SREK1IP1: variants seen among roughly 807,000 people sequenced by gnomAD.
SREK1IP1 encodes protein SREK1IP1.
A neutral mutation model predicts 22.8 loss-of-function variants in SREK1IP1; 12 were observed. The observed-to-expected ratio is 0.53, with a 90% CI of 0.34 to 0.85. SREK1IP1 has a LOEUF of 0.85. Ranked by LOEUF, SREK1IP1 falls within the 40% of genes least tolerant of loss-of-function variation. SREK1IP1 has a pLI of 0.02. For synonymous variants in SREK1IP1, 53 were observed against 52.7 expected (o/e 1.01, Z -0.02); for missense variants, 147 against 171.8 (o/e 0.86, Z 0.81).
At chr5:64,752,861 G>A (rs1166479988) in intron 2 of SREK1IP1, among the ~76,000 whole-genome samples, 1 of 152,262 alleles carries the variant, frequency 6.6e-6, no homozygotes, top group East Asian at 1.9e-4. Flanking sequence ...ATCTTTAATA[G>A]CTGTGGAGAT....
intron 1 of SREK1IP1, among the ~76,000 whole-genome samples, chr5:64,758,682 A>C (rs1253831577): frequency 6.6e-6 from 1 of 152,256 alleles, no homozygotes; most frequent in Non-Finnish European, 1.5e-5. Context: ...AAAATGTTGT[A>C]ATAGATCTGA....
rs1441600714 is a variant in SREK1IP1, at chr5:64,720,170, T to G, written c.*4214A>C. ...TATTCGGACCTAACAAATATTAAAA[T>G]AGTGATAGAATTTAAGTCAGTCAAA... On this transcript the variant is annotated 3_prime_UTR_variant, in exon 5 of 5. Transcript: ENST00000513458. 1 of 152,178 alleles carries G rather than the reference T, an allele frequency of 6.6e-6. No homozygotes were observed. Among genetic ancestry groups the G allele is most frequent in the East Asian group, 1.9e-4 (1 of 5,192 alleles). The allele number at this position is 152,178 out of a possible 1,614,324, so 9.4% of individuals were successfully genotyped here. A position where few individuals can be genotyped will look rare whatever the true frequency, so the allele number is the denominator to read the frequency against.
chr5:64,726,233 A>C (rs184755340), intron 4 of SREK1IP1, among the ~76,000 whole-genome samples: 6 of 152,136 alleles, frequency 3.9e-5, no homozygotes, highest in Admixed American at 3.9e-4. Context: ...AGGGGGCACT[A>C]TCTCTGCTAA....
At position 64,719,994 on chromosome 5, in the gene SREK1IP1, T is replaced by C. The variant is rs1227195078; in HGVS notation, c.*4390A>G. 1.3e-5 allele frequency: 2 copies of C among 152,230 alleles called. No homozygotes were observed. Among genetic ancestry groups the C allele is most frequent in the African/African-American group, 2.4e-5 (1 of 41,462 alleles). 9.4% of individuals were successfully genotyped at this position (152,230 alleles called of 1,614,324 possible). A position where few individuals can be genotyped will look rare whatever the true frequency, so the allele number is the denominator to read the frequency against. On this transcript the variant is annotated 3_prime_UTR_variant, in exon 5 of 5. Transcript: ENST00000513458. Reference sequence around the variant, plus strand: ...TAGCTTATCACTAGGTTACCTGAGGTAGAACCACAGGGCTCATCCAGTGGA... The same window carrying C: ...TAGCTTATCACTAGGTTACCTGAGGCAGAACCACAGGGCTCATCCAGTGGA...
intron 2 of SREK1IP1, among the ~76,000 whole-genome samples, chr5:64,749,163 T>A (rs535706963): frequency 1.6e-3 from 239 of 151,050 alleles, no homozygotes; most frequent in African/African-American, 5.4e-3. Flanking sequence ...TCTGTCAATC[T>A]ATACACACAC....
At chr5:64,765,115 TCAA>T (rs1208871290) in intron 1 of SREK1IP1, 1 of 152,222 alleles carries the variant, frequency 6.6e-6, no homozygotes, top group African/African-American at 2.4e-5. Flanking sequence ...GGAGGTAATT[TCAA>T]CAACTGTGAA....
Position 64,728,113 on chromosome 5 carries a change from C to CTT in SREK1IP1, c.270_271dup (p.Arg91LysfsTer68). On this transcript the variant is annotated frameshift_variant, in exon 4 of 5. Coordinates refer to ENST00000513458, the MANE Select transcript of SREK1IP1 (RefSeq NM_173829.4). LOFTEE classifies it high-confidence loss of function. Reference sequence around the variant, plus strand: ...AATGTTGTTCAAAAAATACCTTTTCCTTTTTTTTTTCAATTTGATTTTTTC... The same window carrying CTT: ...AATGTTGTTCAAAAAATACCTTTTCCTTTTTTTTTTTTCAATTTGATTTTTTC... The CTT allele has an allele frequency of 2.9e-5, 36 of 1,221,332 alleles. No homozygotes were observed. Among genetic ancestry groups the CTT allele is most frequent in the South Asian group, 1.4e-4 (7 of 50,348 alleles). 75.7% of individuals were successfully genotyped at this position (1,221,332 alleles called of 1,614,324 possible).
At chr5:64,737,166 C>T (rs746865745) in intron 3 of SREK1IP1, among the ~76,000 whole-genome samples, 4 of 151,936 alleles carry the variant, frequency 2.6e-5, no homozygotes, top group Non-Finnish European at 5.9e-5. Flanking sequence ...AGAACATTCT[C>T]CAGAACAGAG....
Position 64,721,342 on chromosome 5 carries a change from G to A in SREK1IP1, c.*3042C>T. On this transcript the variant is annotated 3_prime_UTR_variant, in exon 5 of 5. Transcript: ENST00000513458. Reference sequence around the variant, plus strand: ...CTCAATAAATATTTGTTGAAGAAAGGATTCAATGGCATTTTTATCAACATT... The same window carrying A: ...CTCAATAAATATTTGTTGAAGAAAGAATTCAATGGCATTTTTATCAACATT... The A allele has an allele frequency of 6.6e-6, 1 of 152,114 alleles. No homozygotes were observed. Among genetic ancestry groups the A allele is most frequent in the Non-Finnish European group, 1.5e-5 (1 of 68,026 alleles). 9.4% of individuals were successfully genotyped at this position (152,114 alleles called of 1,614,324 possible).
chr5:64,766,005 C>A (rs1447739065), intron 1 of SREK1IP1, among the ~76,000 whole-genome samples: 2 of 152,208 alleles, frequency 1.3e-5, no homozygotes, highest in African/African-American at 4.8e-5. Flanking sequence ...CCTAGGCAAT[C>A]TACTGTGTAG....
chr5:64,750,542 T>C (rs1475122501), intron 2 of SREK1IP1, among the ~76,000 whole-genome samples: 4 of 152,276 alleles, frequency 2.6e-5, no homozygotes, highest in African/African-American at 7.2e-5. Context: ...TTCATGCATA[T>C]TAGCATTTTT....
chr5:64,727,956 T>A, intron 4 of SREK1IP1, 151 bp downstream of exon 4: 1 of 728,818 alleles, frequency 1.4e-6, no homozygotes, highest in South Asian at 6.7e-5. Flanking sequence ...AGACAAAATA[T>A]ATATTAAGAG....
intron 2 of SREK1IP1, among the ~76,000 whole-genome samples, chr5:64,741,692 A>T (rs529074253): frequency 6.6e-6 from 1 of 152,304 alleles, no homozygotes; most frequent in South Asian, 2.1e-4. Flanking sequence ...GCTTTACTAA[A>T]GAATACCTAA....
Position 64,723,598 on chromosome 5 carries a change from T to C in SREK1IP1, c.*786A>G, listed in dbSNP as rs982488097. On this transcript the variant is annotated 3_prime_UTR_variant, in exon 5 of 5. Transcript: ENST00000513458. ...GTAAGACATGCCAATATGGCACATT[T>C]GTAAAACAACCCAGGAGTCTATTCT... 5 of 152,632 alleles carry C rather than the reference T, an allele frequency of 3.3e-5. No homozygotes were observed. The highest frequency in any genetic ancestry group is 3.2e-3 in the Middle Eastern group (1 of 316). The allele number at this position is 152,632 out of a possible 1,614,324, so 9.5% of individuals were successfully genotyped here. A position where few individuals can be genotyped will look rare whatever the true frequency, so the allele number is the denominator to read the frequency against.
intron 1 of SREK1IP1, among the ~76,000 whole-genome samples, chr5:64,767,826 T>C (rs1400611140): frequency 6.6e-6 from 1 of 152,218 alleles, no homozygotes; most frequent in Non-Finnish European, 1.5e-5. Flanking sequence ...TTTGAGGAGA[T>C]GCTTTCCGCT....
chr5:64,763,469 G>A (rs968443925), intron 1 of SREK1IP1, among the ~76,000 whole-genome samples: 8 of 151,950 alleles, frequency 5.3e-5, no homozygotes, highest in Non-Finnish European at 7.4e-5. Context: ...CCCGGGAGGC[G>A]GAGGCTGCAG....
chr5:64,755,175 A>G (rs910944131), intron 1 of SREK1IP1, among the ~76,000 whole-genome samples: 1 of 152,050 alleles, frequency 6.6e-6, no homozygotes, highest in Non-Finnish European at 1.5e-5. Context: ...AACTTAAAAC[A>G]GCACTATCAT....
chr5:64,757,957 C>T (rs941246570), intron 1 of SREK1IP1, among the ~76,000 whole-genome samples: 1 of 136,296 alleles, frequency 7.3e-6, no homozygotes, highest in Admixed American at 8.5e-5. Flanking sequence ...GCAAGCTTGG[C>T]CTTCTGGGTT....
At chr5:64,741,229 G>C (rs1028376435) in intron 2 of SREK1IP1, 29 bp from the exon 3 acceptor site, 3 of 1,591,688 alleles carry the variant, frequency 1.9e-6, no homozygotes, top group Non-Finnish European at 2.6e-6. Flanking sequence ...AAAAATGTGA[G>C]TGATAAAACT....
Sources: allele counts gnomAD v4.1 joint callset (sites outside exome capture counted in the v4.1 genomes callset), GRCh38; gene constraint gnomAD v4.1.1; transcripts MANE v1.5; gene names NCBI Gene and HGNC (gene_info 2026-07-23, HGNC 2026-07-21).